The following PTCD2 variants were observed in gnomAD, a reference collection of about 807,000 sequenced individuals.
PTCD2 encodes pentatricopeptide repeat-containing protein 2, mitochondrial.
PTCD2 carries 31 observed loss-of-function variants against 42.6 expected under a neutral mutation model. That is an observed-to-expected ratio of 0.73 (90% CI 0.55 to 0.98). The LOEUF (loss-of-function observed/expected upper bound fraction) is 0.98, where lower values mean the gene tolerates loss of function less well. Ranked by LOEUF, PTCD2 falls within the 50% of genes least tolerant of loss-of-function variation. The pLI is 0.00. For synonymous variants in PTCD2, 183 were observed against 170.9 expected, an observed-to-expected ratio of 1.07 and a Z score of -0.55; for missense variants, 476 against 454.8, an observed-to-expected ratio of 1.05 and a Z score of -0.42.
chr5:72,354,698 C>A (rs1294380996), intron 9 of PTCD2, among the ~76,000 whole-genome samples: 2 of 152,206 alleles, frequency 1.3e-5, no homozygotes, highest in African/African-American at 2.4e-5. Flanking sequence ...CAAATACTTT[C>A]ACCCTTTGAC....
intron 5 of PTCD2, 123 bp from the exon 6 acceptor site, chr5:72,335,669 CTT>C (rs1317924908): frequency 3.1e-5 from 16 of 520,542 alleles, no homozygotes; most frequent in Middle Eastern, 5.6e-4. Flanking sequence ...TGCTAAATGA[CTT>C]TGAGGAATAG....
In PTCD2 at chr5:72,320,418, C is replaced by G. The variant is rs766854254; in HGVS notation, c.36C>G (p.Pro12=). The G allele has an allele frequency of 1.9e-6, 3 of 1,614,158 alleles. No homozygotes were observed. Among genetic ancestry groups the G allele is most frequent in the Non-Finnish European group, 1.7e-6 (2 of 1,180,042 alleles). ...ACAGTATGGCTGCTGCATTTCGGCC[C>G]TCGAATCGAGTTCTCCTGCAGGCGC... ...VRDSMAAAFR[P]SNRVLLQALQ... is the part of the protein sequence containing the mutation. Residue 12 remains proline, a synonymous_variant, in exon 1 of 10, where the codon CCC becomes CCG. Coordinates refer to ENST00000380639, the MANE Select transcript of PTCD2 (RefSeq NM_024754.5).
In PTCD2 at chr5:72,361,538, A is replaced by G. The variant is rs1753094433; in HGVS notation, c.*3111A>G. The G allele has an allele frequency of 1.3e-5, 2 of 152,226 alleles. No homozygotes were observed. The highest frequency in any genetic ancestry group is 4.1e-4 in the South Asian group (2 of 4,826). 9.4% of individuals were successfully genotyped at this position (152,226 alleles called of 1,614,324 possible). A position where few individuals can be genotyped will look rare whatever the true frequency, so the allele number is the denominator to read the frequency against. On this transcript the variant is annotated 3_prime_UTR_variant, in exon 10 of 10. Coordinates refer to ENST00000380639, the MANE Select transcript of PTCD2 (RefSeq NM_024754.5). ...ATGACCTAGTCTCAGAAGTCTCATA[A>G]CATCACTTCCACTAAAGTCCCAAGC...
At chr5:72,338,799 C>G in intron 7 of PTCD2, 64 bp downstream of exon 7, 1 of 874,340 alleles carries the variant, frequency 1.1e-6, no homozygotes, top group Non-Finnish European at 1.8e-6. Context: ...TTTTATTCGT[C>G]CTTGCTTTTC....
At chr5:72,354,253 T>G (rs1234027697) in intron 9 of PTCD2, among the ~76,000 whole-genome samples, 1 of 151,638 alleles carries the variant, frequency 6.6e-6, no homozygotes, top group Non-Finnish European at 1.5e-5. Flanking sequence ...ATATAAAAAT[T>G]AGCTGGGCGT....
chr5:72,338,840 G>A, intron 7 of PTCD2, 105 bp downstream of exon 7: 1 of 625,520 alleles, frequency 1.6e-6, no homozygotes, highest in Non-Finnish European at 2.8e-6. Flanking sequence ...TCGTAAAGAA[G>A]TAGTCACCAT....
Position 72,364,343 on chromosome 5 carries a change from T to C in PTCD2, c.*5916T>C, listed in dbSNP as rs1753154307. 6.6e-6 allele frequency: 1 copy of C among 152,230 alleles called. No individual in the cohort carries two copies. The highest frequency in any genetic ancestry group is 1.5e-5 in the Non-Finnish European group (1 of 68,036). The allele number at this position is 152,230 out of a possible 1,614,324, so 9.4% of individuals were successfully genotyped here. A position where few individuals can be genotyped will look rare whatever the true frequency, so the allele number is the denominator to read the frequency against. ...ACCACATGATTGCAGTTGGGATAAG[T>C]GCTAAGTCTAGGGTAATCTTCATAT... is the stretch of plus-strand genomic sequence containing the variant. On this transcript the variant is annotated 3_prime_UTR_variant, in exon 10 of 10. Coordinates refer to ENST00000380639, the MANE Select transcript of PTCD2 (RefSeq NM_024754.5).
Position 72,359,234 on chromosome 5 carries a change from A to G in PTCD2, c.*807A>G, listed in dbSNP as rs1303997056. ...TAATAAATATTTAGTCCTATAGTTTATCTTATTTGTTAATGATTTTTCTCT... is the reference window on the plus strand; with the variant it reads ...TAATAAATATTTAGTCCTATAGTTTGTCTTATTTGTTAATGATTTTTCTCT... On this transcript the variant is annotated 3_prime_UTR_variant, in exon 10 of 10. Coordinates refer to ENST00000380639, the MANE Select transcript of PTCD2 (RefSeq NM_024754.5). The G allele has an allele frequency of 6.6e-6, 1 of 152,180 alleles. No individual in the cohort carries two copies. The highest frequency in any genetic ancestry group is 2.4e-5 in the African/African-American group (1 of 41,448). The allele number at this position is 152,180 out of a possible 1,614,324, so 9.4% of individuals were successfully genotyped here. A position where few individuals can be genotyped will look rare whatever the true frequency, so the allele number is the denominator to read the frequency against.
At chr5:72,345,022 C>T (rs1398469561) in intron 8 of PTCD2, among the ~76,000 whole-genome samples, 1 of 152,126 alleles carries the variant, frequency 6.6e-6, no homozygotes, top group Non-Finnish European at 1.5e-5. Flanking sequence ...TGAGAGCAGA[C>T]AACCGGTCTG....
At chr5:72,320,778 T>C in intron 1 of PTCD2, 1 of 463,476 alleles carries the variant, frequency 2.2e-6, no homozygotes, top group Non-Finnish European at 3.8e-6. Context: ...TTCAGGAACA[T>C]CCCTCCCGCC....
chr5:72,365,339 T>C lies in PTCD2; in HGVS notation c.*6912T>C, dbSNP rs567532108. On this transcript the variant is annotated 3_prime_UTR_variant, in exon 10 of 10. Coordinates refer to ENST00000380639, the MANE Select transcript of PTCD2 (RefSeq NM_024754.5). Reference sequence around the variant, plus strand: ...TCCCTTGTCTTCCCTGATTCCTTTTTCCTGACTGAATCAGGCCAAGATGCT... The same window carrying C: ...TCCCTTGTCTTCCCTGATTCCTTTTCCCTGACTGAATCAGGCCAAGATGCT... The C allele has an allele frequency of 4.6e-5, 7 of 152,326 alleles. No homozygotes were observed. The highest frequency in any genetic ancestry group is 3.9e-4 in the Admixed American group (6 of 15,290). 9.4% of individuals were successfully genotyped at this position (152,326 alleles called of 1,614,324 possible).
intron 8 of PTCD2, among the ~76,000 whole-genome samples, chr5:72,346,678 CTA>C (rs1368782572): frequency 6.6e-6 from 1 of 152,194 alleles, no homozygotes; most frequent in Non-Finnish European, 1.5e-5. Context: ...AGCAGGCATA[CTA>C]TGTCTCTGAC....
At position 72,358,535 on chromosome 5, in the gene PTCD2, G is replaced by A. The variant is rs1753000549; in HGVS notation, c.*108G>A. 2 of 765,792 alleles carry A rather than the reference G, an allele frequency of 2.6e-6. No individual in the cohort carries two copies. Among genetic ancestry groups the A allele is most frequent in the Admixed American group, 2.2e-5 (1 of 45,052 alleles). The allele number at this position is 765,792 out of a possible 1,614,324, so 47.4% of individuals were successfully genotyped here. On this transcript the variant is annotated 3_prime_UTR_variant, in exon 10 of 10. Coordinates refer to ENST00000380639, the MANE Select transcript of PTCD2 (RefSeq NM_024754.5). ...TCAGCAGACAGTGTGCTGACACTTG[G>A]TCTTCTCCTGAAATTCCCAAATTCA...
At chr5:72,340,089 T>C (rs1751975940) in intron 7 of PTCD2, among the ~76,000 whole-genome samples, 1 of 152,212 alleles carries the variant, frequency 6.6e-6, no homozygotes, top group East Asian at 1.9e-4. Context: ...ATCTTGGGTC[T>C]CGTTTGATGC....
At chr5:72,351,570 T>C (rs1752623941) in intron 8 of PTCD2, among the ~76,000 whole-genome samples, 1 of 152,168 alleles carries the variant, frequency 6.6e-6, no homozygotes, top group Non-Finnish European at 1.5e-5. Context: ...CAGTATCACA[T>C]GGCTGGGGAG....
At chr5:72,355,833 C>G (rs1361848169) in intron 9 of PTCD2, among the ~76,000 whole-genome samples, 2 of 152,166 alleles carry the variant, frequency 1.3e-5, no homozygotes, top group Non-Finnish European at 2.9e-5. Context: ...TTGGTCCTCT[C>G]TTCCTCCCTC....
intron 4 of PTCD2, among the ~76,000 whole-genome samples, chr5:72,332,497 T>A (rs1751493932): frequency 1.3e-5 from 2 of 151,608 alleles, no homozygotes; most frequent in Admixed American, 1.3e-4. Context: ...AAATTCTCAC[T>A]TTTTACTTTA....
chr5:72,334,852 T>C (rs1484557241), intron 4 of PTCD2, among the ~76,000 whole-genome samples, 166 bp from the exon 5 acceptor site: 1 of 152,136 alleles, frequency 6.6e-6, no homozygotes, highest in Non-Finnish European at 1.5e-5. Flanking sequence ...CCCGGCCAAC[T>C]TTTCAAAAAT....
In PTCD2 at chr5:72,352,679, GA is replaced by G; in HGVS notation, c.868del (p.Ile290Ter). The G allele has an allele frequency of 1.2e-6, 2 of 1,600,388 alleles. No individual in the cohort carries two copies. The highest frequency in any genetic ancestry group is 8.6e-7 in the Non-Finnish European group (1 of 1,168,274). On this transcript the variant is annotated frameshift_variant, in exon 9 of 10. Coordinates refer to ENST00000380639, the MANE Select transcript of PTCD2 (RefSeq NM_024754.5). LOFTEE classifies it high-confidence loss of function. ...TCCAGTCAAATATGTTGGAAAACCT[GA>G]TAAAGACTCTAAAAAATGCTGCAGA... ...HIQSNMLENL[I>X]KTLKNAAEGN...
Sources: gnomAD v4.1 joint callset for allele counts (sites outside exome capture counted in the v4.1 genomes callset) on GRCh38, gnomAD v4.1.1 for gene constraint, MANE v1.5 for transcripts, NCBI Gene and HGNC (gene_info 2026-07-23, HGNC 2026-07-21) for gene names.